BAIAP2L1: variants seen among roughly 807,000 people sequenced by gnomAD.
BAIAP2L1 encodes the protein BAR/IMD domain-containing adapter protein 2-like 1.
BAIAP2L1 carries 35 observed loss-of-function variants against 66.3 expected under a neutral mutation model. That is an observed-to-expected ratio of 0.53 (90% CI 0.40 to 0.70). BAIAP2L1 has a LOEUF of 0.70. BAIAP2L1 is among the 30% of genes least tolerant of loss of function. The pLI is 0.00. For synonymous variants in BAIAP2L1, 269 were observed against 248.7 expected, an observed-to-expected ratio of 1.08 and a Z score of -0.77; for missense variants, 622 against 656.9, an observed-to-expected ratio of 0.95 and a Z score of 0.58.
chr7:98,357,709 A>G (rs1802170479), intron 2 of BAIAP2L1, among the ~76,000 whole-genome samples: 1 of 152,088 alleles, frequency 6.6e-6, no homozygotes, highest in Non-Finnish European at 1.5e-5. Flanking sequence ...GTGTAAATGT[A>G]AAAAGAACAA....
chr7:98,385,985 G>C (rs1307867696), intron 1 of BAIAP2L1: 1 of 1,490,342 alleles, frequency 6.7e-7, no homozygotes, highest in East Asian at 2.3e-5. Context: ...TAAATAGACT[G>C]GCAAGCCTTT....
intron 3 of BAIAP2L1, among the ~76,000 whole-genome samples, chr7:98,327,666 T>C (rs925065193): frequency 7.9e-5 from 12 of 151,880 alleles, no homozygotes; most frequent in African/African-American, 2.9e-4. Flanking sequence ...AGAGCAAAAC[T>C]CTGTCTCAAA....
chr7:98,315,363 T>G (rs1056007062), intron 7 of BAIAP2L1, 97 bp downstream of exon 7: 9 of 1,195,638 alleles, frequency 7.5e-6, no homozygotes, highest in Non-Finnish European at 9.7e-6. Flanking sequence ...CCCAAAGTGC[T>G]GGGATTACAG....
At chr7:98,323,926 G>C (rs1326330979) in intron 3 of BAIAP2L1, among the ~76,000 whole-genome samples, 4 of 152,174 alleles carry the variant, frequency 2.6e-5, no homozygotes, top group African/African-American at 7.2e-5. Flanking sequence ...CTTAAATAGA[G>C]CAAGTGTTAC....
intron 3 of BAIAP2L1, among the ~76,000 whole-genome samples, chr7:98,343,281 ACACACAGAC>A (rs1801790663): frequency 7.3e-5 from 11 of 149,898 alleles, no homozygotes; most frequent in East Asian, 3.9e-4. Context: ...ACACACACAC[ACACACAGAC>A]ACACACACAC....
chr7:98,375,122 G>A (rs866424614), intron 1 of BAIAP2L1, among the ~76,000 whole-genome samples: 9 of 151,888 alleles, frequency 5.9e-5, no homozygotes, highest in Non-Finnish European at 8.8e-5. Flanking sequence ...AAGGCCAGGC[G>A]TGGTGGCTCA....
chr7:98,305,446 C>A (rs1179839430), intron 11 of BAIAP2L1, among the ~76,000 whole-genome samples: 1 of 152,130 alleles, frequency 6.6e-6, no homozygotes, highest in East Asian at 1.9e-4. Context: ...CAGCATCAGA[C>A]CCTGGGGAAT....
At chr7:98,300,846 C>G (rs1404046456) in intron 12 of BAIAP2L1, among the ~76,000 whole-genome samples, 1 of 152,200 alleles carries the variant, frequency 6.6e-6, no homozygotes, top group Non-Finnish European at 1.5e-5. Context: ...CTTGAGCCCC[C>G]CAAGTCACCG....
At chr7:98,340,975 T>TTG (rs1801730759) in intron 3 of BAIAP2L1, among the ~76,000 whole-genome samples, 2 of 150,558 alleles carry the variant, frequency 1.3e-5, no homozygotes, top group African/African-American at 4.9e-5. Flanking sequence ...TTTTTTTTTT[T>TTG]GTCTCTTACA....
intron 3 of BAIAP2L1, among the ~76,000 whole-genome samples, chr7:98,321,789 C>T (rs550746457): frequency 1.3e-5 from 2 of 152,242 alleles, no homozygotes; most frequent in Non-Finnish European, 2.9e-5. Flanking sequence ...TCCTACAGCT[C>T]AGCGGCCAGA....
At chr7:98,306,355 G>T in intron 11 of BAIAP2L1, 84 bp downstream of exon 11, 1 of 1,519,332 alleles carries the variant, frequency 6.6e-7, no homozygotes, top group South Asian at 1.1e-5. Flanking sequence ...CAGGGCCTGC[G>T]ACACAGCTAG....
intron 3 of BAIAP2L1, among the ~76,000 whole-genome samples, chr7:98,327,916 A>G (rs924978096): frequency 6.6e-6 from 1 of 152,190 alleles, no homozygotes; most frequent in Non-Finnish European, 1.5e-5. Flanking sequence ...GCTTTGCTTA[A>G]CAGTAAAATC....
At chr7:98,312,376 G>T in intron 7 of BAIAP2L1, 112 bp from the exon 8 acceptor site, 1 of 1,215,172 alleles carries the variant, frequency 8.2e-7, no homozygotes, top group Non-Finnish European at 1.1e-6. Context: ...CACCAGGAGT[G>T]TGGGGGCCCT....
At chr7:98,295,939 C>T (rs950442401) in intron 12 of BAIAP2L1, among the ~76,000 whole-genome samples, 2 of 152,216 alleles carry the variant, frequency 1.3e-5, no homozygotes, top group African/African-American at 4.8e-5. Context: ...GGGCCAACCC[C>T]GTGCACGCAT....
chr7:98,376,795 G>A (rs1000180618), intron 1 of BAIAP2L1, among the ~76,000 whole-genome samples: 7 of 151,966 alleles, frequency 4.6e-5, no homozygotes, highest in South Asian at 4.1e-4. Flanking sequence ...TTATGCCATC[G>A]CACTCCAGCC....
At chr7:98,339,627 A>G in intron 3 of BAIAP2L1, among the ~76,000 whole-genome samples, 1 of 152,196 alleles carries the variant, frequency 6.6e-6, no homozygotes, top group South Asian at 2.1e-4. Flanking sequence ...TTCTAGCCGC[A>G]TCCATCTTTG....
Position 98,292,646 on chromosome 7 carries a change from A to T in BAIAP2L1, c.*875T>A, listed in dbSNP as rs1800016508. The T allele has an allele frequency of 6.4e-7, 1 of 1,551,618 alleles. No homozygotes were observed. Among genetic ancestry groups the T allele is most frequent in the Non-Finnish European group, 8.7e-7 (1 of 1,146,966 alleles). On this transcript the variant is annotated 3_prime_UTR_variant, in exon 14 of 14. Coordinates refer to ENST00000005260, the MANE Select transcript of BAIAP2L1 (RefSeq NM_018842.5). ...AAACCCGCCCTTCTCCAGGCACCAG[A>T]GGTCATCCTGGCTTTACACGTATCC...
intron 1 of BAIAP2L1, among the ~76,000 whole-genome samples, chr7:98,379,985 C>T (rs960341227): frequency 1.1e-4 from 17 of 151,860 alleles, no homozygotes; most frequent in African/African-American, 2.7e-4. Context: ...ATTGTGGTGA[C>T]GGCTGCACAA....
chr7:98,328,264 C>T (rs1037299893), intron 3 of BAIAP2L1, among the ~76,000 whole-genome samples: 2 of 152,074 alleles, frequency 1.3e-5, no homozygotes, highest in South Asian at 2.1e-4. Flanking sequence ...AAAGACTGGA[C>T]GCAGCTTCAG....
Sources: gnomAD v4.1 joint callset for allele counts (sites outside exome capture counted in the v4.1 genomes callset) on GRCh38, gnomAD v4.1.1 for gene constraint, MANE v1.5 for transcripts, NCBI Gene and HGNC (gene_info 2026-07-23, HGNC 2026-07-21) for gene names.